The following DAPK2 variants were observed in gnomAD, a reference collection of about 807,000 sequenced individuals.
The protein encoded by DAPK2 is death-associated protein kinase 2.
In DAPK2, 35 loss-of-function variants were observed where a neutral mutation model predicts 44.1. The observed-to-expected ratio is 0.79, with a 90% CI of 0.61 to 1.05. The LOEUF is 1.05. Ranked by LOEUF, DAPK2 falls within the 50% of genes least tolerant of loss-of-function variation. The pLI, the probability that DAPK2 is intolerant of heterozygous loss-of-function variation, is 0.00. For synonymous variants in DAPK2, 174 were observed against 182.6 expected (o/e 0.95, Z 0.38); for missense variants, 453 against 483.2 (o/e 0.94, Z 0.59).
chr15:63,960,856 A>ATTG (rs926749383), intron 3 of DAPK2, among the ~76,000 whole-genome samples: 15 of 152,064 alleles, frequency 9.9e-5, no homozygotes, highest in African/African-American at 3.4e-4. Context: ...GTAGATGTCT[A>ATTG]TTAGGTCTGA....
chr15:63,965,917 A>C (rs777357228), intron 3 of DAPK2, among the ~76,000 whole-genome samples: 2 of 152,158 alleles, frequency 1.3e-5, no homozygotes, highest in Non-Finnish European at 2.9e-5. Flanking sequence ...TGAAATTGGA[A>C]ACCCGAAGAG....
intron 1 of DAPK2, among the ~76,000 whole-genome samples, chr15:64,033,550 C>A (rs114652006): frequency 6.6e-6 from 1 of 152,158 alleles, no homozygotes; most frequent in Non-Finnish European, 1.5e-5. Context: ...CTGTTATGGT[C>A]GTGTGGTCCC....
At chr15:63,929,875 GTAAAATGAGGATAATGA>G in intron 5 of DAPK2, 1 of 560,536 alleles carries the variant, frequency 1.8e-6, no homozygotes, top group Non-Finnish European at 3.4e-6. Context: ...TTCCCCCCTT[GTAAAATGAGGATAATGA>G]TAACTACCTC....
At chr15:63,994,586 C>CTTTT (rs11346004) in intron 1 of DAPK2, among the ~76,000 whole-genome samples, 1 of 93,272 alleles carries the variant, frequency 1.1e-5, no homozygotes, top group Admixed American at 1.2e-4. Context: ...ATCTTTTTTA[C>CTTTT]TTTTTTTTTT....
Position 63,931,459 on chromosome 15 carries a change from A to T in DAPK2, c.584-1004T>A, listed in dbSNP as rs555494468. On this transcript the variant is annotated intron_variant, in intron 4 of 10. Coordinates refer to ENST00000261891, the Ensembl canonical transcript of DAPK2. ...CCTCGGCTATGTGGCCTGCTTTAGA[A>T]CTCTCTGGTAAAGACCAGTCATGTC... is the stretch of plus-strand genomic sequence containing the variant. Among the ~76,000 whole-genome samples the T allele has an allele frequency of 3.3e-5, 5 of 152,202 alleles. No individual in the cohort carries two copies. The South Asian group carries it at 1.0e-3, about 32-fold the overall frequency.
At chr15:63,991,853 CAGGAGCCAGAGT>C (rs1393604110) in intron 1 of DAPK2, among the ~76,000 whole-genome samples, 17 of 152,148 alleles carry the variant, frequency 1.1e-4, no homozygotes, top group Non-Finnish European at 2.4e-4. Flanking sequence ...GGCTAAGTAC[CAGGAGCCAGAGT>C]CTCCAGGGAA....
At chr15:63,951,064 C>G (rs1402723959) in intron 3 of DAPK2, among the ~76,000 whole-genome samples, 1 of 152,166 alleles carries the variant, frequency 6.6e-6, no homozygotes, top group Non-Finnish European at 1.5e-5. Flanking sequence ...CCCCCCTCCC[C>G]GGGGTTCTGG....
chr15:63,949,638 G>A (rs531361552), intron 3 of DAPK2, among the ~76,000 whole-genome samples: 5 of 152,304 alleles, frequency 3.3e-5, no homozygotes, highest in African/African-American at 1.2e-4. Flanking sequence ...AACTCACCAG[G>A]AGTTGGCTCC....
chr15:64,030,429 C>A (rs1239150998), intron 1 of DAPK2, among the ~76,000 whole-genome samples: 1 of 152,098 alleles, frequency 6.6e-6, no homozygotes, highest in African/African-American at 2.4e-5. Context: ...CACTCTCCAA[C>A]CCTGAACTGG....
exon 2 of DAPK2, chr15:63,983,635 A>G (rs769030125): frequency 1.2e-6 from 2 of 1,613,794 alleles, no homozygotes; most frequent in African/African-American, 2.7e-5. Flanking sequence ...CTCCCGCTCG[A>G]TCTCCTCCCG....
rs2077971175 is a variant in DAPK2, at chr15:63,963,547, T to C, written c.453+7876A>G. ...GAGAATTTAGTCCATTTACATTCAA[T>C]GTTATTACTGATAAGTAAGGACTTA... On this transcript the variant is annotated intron_variant, in intron 3 of 10. Transcript: ENST00000261891. Among the ~76,000 whole-genome samples the C allele has an allele frequency of 3.3e-5, 5 of 152,358 alleles. No homozygotes were observed. In the South Asian group the frequency reaches 1.0e-3, roughly 32 times the overall value.
chr15:63,935,380 C>T (rs959649921), intron 4 of DAPK2, among the ~76,000 whole-genome samples: 1 of 152,188 alleles, frequency 6.6e-6, no homozygotes, highest in Non-Finnish European at 1.5e-5. Context: ...CATGAGCCAC[C>T]ATGCCCGGCC....
intron 1 of DAPK2, among the ~76,000 whole-genome samples, chr15:64,002,948 GT>G (rs2079123586): frequency 2.2e-5 from 3 of 134,796 alleles, no homozygotes; most frequent in African/African-American, 8.4e-5. Context: ...GTGTGTGTGT[GT>G]GTGTGTGTGT....
chr15:63,991,814 C>T (rs1021576348), intron 1 of DAPK2, among the ~76,000 whole-genome samples: 1 of 152,182 alleles, frequency 6.6e-6, no homozygotes, highest in African/African-American at 2.4e-5. Context: ...CCAAGCCGAA[C>T]TCAGGGTCAG....
chr15:63,991,176 A>G, intron 1 of DAPK2: 1 of 454,546 alleles, frequency 2.2e-6, no homozygotes, highest in South Asian at 1.6e-5. Context: ...CAGAGCAGGA[A>G]ACAGGTCAGG....
intron 1 of DAPK2, among the ~76,000 whole-genome samples, chr15:63,986,355 G>A (rs904820229): frequency 6.6e-6 from 1 of 152,252 alleles, no homozygotes; most frequent in African/African-American, 2.4e-5. Context: ...TGTGAAGGCT[G>A]AGCAAGAGAC....
rs1189525115 is a variant in DAPK2, at chr15:63,983,606, C to T, written c.241G>A (p.Val81Met). ...AGCGTGATGACATTGTGGTGCAGCA[C>T]CTGCCGCAGGATGCTCACCTCCCGC... Residue 81 changes from valine (V) to methionine (M), a missense_variant, in exon 2 of 11, where the codon GTG becomes ATG. Coordinates refer to ENST00000261891, the Ensembl canonical transcript of DAPK2. 5 of 1,614,212 alleles carry T rather than the reference C, an allele frequency of 3.1e-6. No homozygotes were observed. In the South Asian group the frequency reaches 4.4e-5, roughly 14 times the overall value.
At chr15:63,909,544 G>A (rs1306745062) in intron 10 of DAPK2, 2 of 152,352 alleles carry the variant, frequency 1.3e-5, no homozygotes, top group Admixed American at 6.5e-5. Context: ...GCTCATGCCT[G>A]TAATCCCAGC....
chr15:63,982,891 A>G (rs1258185485), intron 2 of DAPK2, among the ~76,000 whole-genome samples: 1 of 152,250 alleles, frequency 6.6e-6, no homozygotes, highest in Admixed American at 6.5e-5. Context: ...GGCTTGCACA[A>G]TGAATACAAA....
Sources: gnomAD v4.1 joint callset for allele counts (sites outside exome capture counted in the v4.1 genomes callset) on GRCh38, gnomAD v4.1.1 for gene constraint, MANE v1.5 for transcripts, NCBI Gene and HGNC (gene_info 2026-07-23, HGNC 2026-07-21) for gene names.